The following THSD7A variants were observed in gnomAD, a reference collection of about 807,000 sequenced individuals.
THSD7A encodes the protein thrombospondin type-1 domain-containing protein 7A.
A neutral mutation model predicts 231.3 loss-of-function variants in THSD7A; 96 were observed. The observed-to-expected ratio is 0.41, with a 90% confidence interval of 0.35 to 0.49. THSD7A has a LOEUF of 0.49. THSD7A is among the 20% of genes least tolerant of loss of function. The pLI, the probability that THSD7A is intolerant of heterozygous loss-of-function variation, is 0.05. For synonymous variants in THSD7A, 940 were observed against 743.3 expected (o/e 1.26, Z -4.30); for missense variants, 2,290 against 2,070.2 (o/e 1.11, Z -2.06).
intron 6 of THSD7A, among the ~76,000 whole-genome samples, chr7:11,489,939 C>T (rs1786818918): frequency 6.6e-6 from 1 of 151,888 alleles, no homozygotes; most frequent in South Asian, 2.1e-4. Flanking sequence ...CTTTAAGAAA[C>T]CTGGGAGTCT....
At chr7:11,438,355 A>G (rs1392631314) in intron 13 of THSD7A, among the ~76,000 whole-genome samples, 1 of 152,046 alleles carries the variant, frequency 6.6e-6, no homozygotes, top group Non-Finnish European at 1.5e-5. Context: ...ATATTTGTAG[A>G]GCCTTCTTTT....
chr7:11,705,474 G>GAA (rs1780734984), intron 1 of THSD7A, among the ~76,000 whole-genome samples: 1 of 150,864 alleles, frequency 6.6e-6, no homozygotes, highest in South Asian at 2.1e-4. Flanking sequence ...GTGATTCTAG[G>GAA]AATCATATTT....
At chr7:11,376,769 A>C in intron 26 of THSD7A, 112 bp from the exon 27 acceptor site, 1 of 627,576 alleles carries the variant, frequency 1.6e-6, no homozygotes, top group Admixed American at 2.9e-5. Context: ...CAAAACCCGA[A>C]AAGAATTATT....
At chr7:11,570,117 G>A (rs941028296) in intron 4 of THSD7A, among the ~76,000 whole-genome samples, 1 of 152,138 alleles carries the variant, frequency 6.6e-6, no homozygotes, top group Non-Finnish European at 1.5e-5. Flanking sequence ...GCTACAGTGA[G>A]CTGTGACCCT....
chr7:11,588,715 A>G (rs1383976989), intron 4 of THSD7A, among the ~76,000 whole-genome samples: 1 of 152,196 alleles, frequency 6.6e-6, no homozygotes, highest in Non-Finnish European at 1.5e-5. Context: ...CATAATTGAC[A>G]TTCCAAAACT....
At chr7:11,573,326 T>G (rs1790731610) in intron 4 of THSD7A, among the ~76,000 whole-genome samples, 1 of 152,224 alleles carries the variant, frequency 6.6e-6, no homozygotes, top group Non-Finnish European at 1.5e-5. Context: ...TTGGACTCTG[T>G]CCTTTCCCTC....
chr7:11,591,300 A>G (rs930688027), intron 3 of THSD7A, among the ~76,000 whole-genome samples: 1 of 152,122 alleles, frequency 6.6e-6, no homozygotes. Context: ...ATGATGTGAG[A>G]AAAATGTCAG....
intron 2 of THSD7A, among the ~76,000 whole-genome samples, chr7:11,611,826 A>G (rs1002018767): frequency 7.4e-6 from 1 of 135,896 alleles, no homozygotes; most frequent in Non-Finnish European, 1.6e-5. Flanking sequence ...ACACACACAC[A>G]CACACTATCA....
intron 1 of THSD7A, among the ~76,000 whole-genome samples, chr7:11,725,578 C>T (rs1781519024): frequency 6.6e-6 from 1 of 151,904 alleles, no homozygotes; most frequent in Admixed American, 6.6e-5. Context: ...AAATGATTTG[C>T]AACTTTTATG....
intron 1 of THSD7A, among the ~76,000 whole-genome samples, chr7:11,808,056 T>C (rs1013607453): frequency 6.6e-6 from 1 of 152,094 alleles, no homozygotes; most frequent in African/African-American, 2.4e-5. Flanking sequence ...CACCCATCTA[T>C]ACATTTTTCC....
At chr7:11,619,260 T>TG (rs1781223622) in intron 2 of THSD7A, among the ~76,000 whole-genome samples, 1 of 152,126 alleles carries the variant, frequency 6.6e-6, no homozygotes, top group African/African-American at 2.4e-5. Flanking sequence ...TGCCCAGATG[T>TG]GATTTAACTA....
At chr7:11,528,377 T>C (rs1410824811) in intron 6 of THSD7A, among the ~76,000 whole-genome samples, 1 of 152,194 alleles carries the variant, frequency 6.6e-6, no homozygotes, top group Non-Finnish European at 1.5e-5. Flanking sequence ...CTGGGTCACA[T>C]GTTCATCCTT....
At chr7:11,585,945 T>C (rs1419546351) in intron 4 of THSD7A, among the ~76,000 whole-genome samples, 1 of 152,076 alleles carries the variant, frequency 6.6e-6, no homozygotes, top group Non-Finnish European at 1.5e-5. Context: ...TTCGCGTCAA[T>C]GTTATGACAA....
chr7:11,386,318 T>C (rs1782741809), intron 23 of THSD7A, among the ~76,000 whole-genome samples: 1 of 152,242 alleles, frequency 6.6e-6, no homozygotes, highest in Non-Finnish European at 1.5e-5. Flanking sequence ...GTTGAACTAA[T>C]TGATACTTCC....
At chr7:11,769,153 A>ATATATTTTTTTTTTTTTTTTTT in intron 1 of THSD7A, among the ~76,000 whole-genome samples, 3 of 27,642 alleles carry the variant, frequency 1.1e-4, no homozygotes, top group Non-Finnish European at 2.1e-4. Flanking sequence ...ATATATATAT[A>ATATATTTTTTTTTTTTTTTTTT]TTTTTTTTTT....
At chr7:11,425,347 T>C (rs971181783) in intron 15 of THSD7A, among the ~76,000 whole-genome samples, 1 of 152,178 alleles carries the variant, frequency 6.6e-6, no homozygotes, top group African/African-American at 2.4e-5. Context: ...ATTTTTGGTG[T>C]GTATCATATG....
intron 1 of THSD7A, among the ~76,000 whole-genome samples, chr7:11,778,320 T>C (rs553338155): frequency 1.7e-4 from 26 of 152,130 alleles, no homozygotes; most frequent in Non-Finnish European, 3.2e-4. Flanking sequence ...TCTCACACAA[T>C]TTAACACTTT....
intron 1 of THSD7A, among the ~76,000 whole-genome samples, chr7:11,683,707 G>A (rs1366440977): frequency 6.6e-6 from 1 of 151,794 alleles, no homozygotes. Flanking sequence ...CCAATAATGA[G>A]TTACGAAATT....
chr7:11,568,650 A>T (rs1201564800), intron 4 of THSD7A, among the ~76,000 whole-genome samples: 4 of 143,830 alleles, frequency 2.8e-5, no homozygotes, highest in Non-Finnish European at 4.5e-5. Flanking sequence ...AAAAAAAAAA[A>T]AAAACCAAAA....
Sources: gnomAD v4.1 joint callset for allele counts (sites outside exome capture counted in the v4.1 genomes callset) on GRCh38, gnomAD v4.1.1 for gene constraint, MANE v1.5 for transcripts, NCBI Gene and HGNC (gene_info 2026-07-23, HGNC 2026-07-21) for gene names.